PDE1C: variants seen among roughly 807,000 people sequenced by gnomAD.
PDE1C encodes the protein dual specificity calcium/calmodulin-dependent 3',5'-cyclic nucleotide phosphodiesterase 1C.
In PDE1C, 62 loss-of-function variants were observed where a neutral mutation model predicts 93.1. The observed-to-expected ratio is 0.67, with a 90% CI of 0.54 to 0.82. PDE1C has a LOEUF of 0.82. PDE1C is among the 40% of genes least tolerant of loss of function. The pLI is 0.00. For missense variants in PDE1C, 742 were observed against 884.6 expected, an observed-to-expected ratio of 0.84 and a Z score of 2.04; for synonymous variants, 325 against 310.1, an observed-to-expected ratio of 1.05 and a Z score of -0.50.
the PDE1C span, among the ~76,000 whole-genome samples, chr7:31,663,503 T>G: frequency 6.6e-6 from 1 of 152,202 alleles, no homozygotes; most frequent in African/African-American, 2.4e-5. Flanking sequence ...TGCTCTTGAT[T>G]TTATGCCGGA....
intron 2 of PDE1C, among the ~76,000 whole-genome samples, chr7:31,968,657 T>A (rs1456483581): frequency 6.6e-6 from 1 of 152,116 alleles, no homozygotes; most frequent in African/African-American, 2.4e-5. Context: ...GCCAGGTCAA[T>A]CCTAAGCCAA....
chr7:31,654,275 G>A, the PDE1C span, among the ~76,000 whole-genome samples: 2 of 152,128 alleles, frequency 1.3e-5, no homozygotes, highest in Non-Finnish European at 2.9e-5. Context: ...ATTCAAAGCA[G>A]AAGGAATGGA....
chr7:32,307,649 A>G (rs1478954301), intron 1 of PDE1C, among the ~76,000 whole-genome samples: 2 of 152,194 alleles, frequency 1.3e-5, no homozygotes, highest in East Asian at 3.8e-4. Flanking sequence ...CTGTCGCCAC[A>G]TCAGAGTTGG....
upstream of PDE1C, among the ~76,000 whole-genome samples, chr7:32,301,090 C>T (rs1585096909): frequency 6.6e-6 from 1 of 152,308 alleles, no homozygotes; most frequent in East Asian, 1.9e-4. Context: ...CCTCTGCCTC[C>T]ATCTCCCAAA....
chr7:32,251,307 T>A (rs1339394062), intron 1 of PDE1C, among the ~76,000 whole-genome samples: 7 of 152,212 alleles, frequency 4.6e-5, no homozygotes, highest in Admixed American at 4.6e-4. Context: ...TACTTTGACC[T>A]GCACGTTTGA....
intron 2 of PDE1C, among the ~76,000 whole-genome samples, chr7:32,193,301 T>A (rs556469138): frequency 4.6e-5 from 7 of 152,298 alleles, no homozygotes; most frequent in Admixed American, 3.3e-4. Context: ...TAGATCTTCC[T>A]TATCAAGTTG....
intron 1 of PDE1C, among the ~76,000 whole-genome samples, chr7:32,409,419 T>C (rs1785121028): frequency 6.6e-6 from 1 of 152,166 alleles, no homozygotes. Context: ...GACAGTGTTA[T>C]ATCAATATCA....
intron 15 of PDE1C, among the ~76,000 whole-genome samples, 180 bp from the exon 16 acceptor site, chr7:31,809,288 C>T (rs1037407773): frequency 1.3e-5 from 2 of 151,930 alleles, no homozygotes; most frequent in Non-Finnish European, 2.9e-5. Context: ...GATTGTGATG[C>T]AGAAATTGAG....
At chr7:31,750,663 G>T (rs1333184022), downstream of PDE1C, among the ~76,000 whole-genome samples, 9 of 152,224 alleles carry the variant, frequency 5.9e-5, no homozygotes, top group Admixed American at 6.5e-5. Flanking sequence ...GCAAACAAAA[G>T]GCAGTGTCAG....
the PDE1C span, among the ~76,000 whole-genome samples, chr7:31,648,864 C>G: frequency 1.3e-5 from 2 of 152,290 alleles, no homozygotes; most frequent in South Asian, 4.1e-4. Context: ...AGAAATGAAA[C>G]AAGAGATGGG....
the PDE1C span, among the ~76,000 whole-genome samples, chr7:31,630,913 A>G: frequency 6.6e-6 from 1 of 152,174 alleles, no homozygotes; most frequent in Non-Finnish European, 1.5e-5. Flanking sequence ...ACAAAAATGT[A>G]TGAAATAAGA....
intron 1 of PDE1C, among the ~76,000 whole-genome samples, chr7:32,310,044 G>A (rs1218231385): frequency 6.6e-6 from 1 of 152,044 alleles, no homozygotes; most frequent in East Asian, 1.9e-4. Flanking sequence ...CAAAATAAAA[G>A]GATGGAGGAA....
At chr7:32,172,979 T>C (rs1204957527) in intron 2 of PDE1C, among the ~76,000 whole-genome samples, 1 of 152,026 alleles carries the variant, frequency 6.6e-6, no homozygotes, top group Non-Finnish European at 1.5e-5. Context: ...AACAGAAATA[T>C]ACCATTTGAC....
chr7:31,735,831 C>T, the PDE1C span, among the ~76,000 whole-genome samples: 1 of 152,146 alleles, frequency 6.6e-6, no homozygotes, highest in Non-Finnish European at 1.5e-5. Context: ...GTCATCCCTC[C>T]GTATCTGTGG....
At chr7:32,341,024 T>C (rs1783736841) in intron 1 of PDE1C, among the ~76,000 whole-genome samples, 1 of 152,110 alleles carries the variant, frequency 6.6e-6, no homozygotes, top group African/African-American at 2.4e-5. Flanking sequence ...GATGTGTCCA[T>C]GTAGGTTCAG....
Position 31,965,756 on chromosome 7 carries a change from T to C in PDE1C, c.129-84896A>G, listed in dbSNP as rs60432321. 4.8e-3 allele frequency among the ~76,000 whole-genome samples: 731 copies of C among 152,330 alleles called. 5 individuals carry two copies. Among genetic ancestry groups the C allele is most frequent in the African/African-American group, 0.017 (691 of 41,564 alleles). ...GGAAGCCCATCAGACTAACAGCTGATCTCTTGGCATAAACTCTACAAGCCA... is the reference window on the plus strand; with the variant it reads ...GGAAGCCCATCAGACTAACAGCTGACCTCTTGGCATAAACTCTACAAGCCA... On this transcript the variant is annotated intron_variant, in intron 2 of 17. Coordinates refer to ENST00000396191, the MANE Select transcript of PDE1C (RefSeq NM_001191057.4).
At chr7:32,359,702 C>T (rs993746333) in intron 1 of PDE1C, among the ~76,000 whole-genome samples, 3 of 152,314 alleles carry the variant, frequency 2.0e-5, no homozygotes, top group Middle Eastern at 3.4e-3. Flanking sequence ...ATGTAAGAGG[C>T]TGTCTTATTT....
At chr7:32,396,522 TG>T (rs34693320) in intron 1 of PDE1C, among the ~76,000 whole-genome samples, 50,836 of 135,040 alleles carry the variant, frequency 0.38, 9,461 homozygotes, top group Admixed American at 0.47. Flanking sequence ...TATTGAAGTA[TG>T]GGGGGGGGGA....
At chr7:31,815,081 A>G (rs752766737) in intron 15 of PDE1C, among the ~76,000 whole-genome samples, 6 of 152,058 alleles carry the variant, frequency 3.9e-5, no homozygotes, top group Non-Finnish European at 7.4e-5. Context: ...TTCAGCATTC[A>G]AAACCCCCTC....
Sources: allele counts gnomAD v4.1 joint callset (sites outside exome capture counted in the v4.1 genomes callset), GRCh38; gene constraint gnomAD v4.1.1; transcripts MANE v1.5; gene names NCBI Gene and HGNC (gene_info 2026-07-23, HGNC 2026-07-21).